Variants in PATZ1 observed in about 807,000 individuals in gnomAD.
PATZ1 encodes POZ-, AT hook-, and zinc finger-containing protein 1.
Under a neutral mutation model 46.2 loss-of-function variants are expected in PATZ1, and 9 were observed. That is an observed-to-expected ratio of 0.19 (90% confidence interval 0.12 to 0.34). The LOEUF is 0.34. Ranked by LOEUF, PATZ1 falls within the 10% of genes least tolerant of loss-of-function variation. The pLI is 1.00. For synonymous variants in PATZ1, 426 were observed against 378.6 expected, an observed-to-expected ratio of 1.13 and a Z score of -1.45; for missense variants, 632 against 923.0, an observed-to-expected ratio of 0.68 and a Z score of 4.08.
intron 2 of PATZ1, chr22:31,341,245 A>C (rs1014777045): frequency 2.9e-6 from 4 of 1,391,854 alleles, no homozygotes; most frequent in Non-Finnish European, 2.8e-6. Flanking sequence ...TGCTACCCCC[A>C]TTTGGGGGCT....
chr22:31,331,494 C>T (rs1334352899), intron 3 of PATZ1, among the ~76,000 whole-genome samples: 2 of 152,106 alleles, frequency 1.3e-5, no homozygotes, highest in Non-Finnish European at 2.9e-5. Context: ...CGCCCGCCAC[C>T]ATACCTGGCT....
At chr22:31,342,262 C>T (rs373388730) in intron 2 of PATZ1, among the ~76,000 whole-genome samples, 2 of 152,132 alleles carry the variant, frequency 1.3e-5, no homozygotes, top group African/African-American at 2.4e-5. Context: ...TCTGGTCCAG[C>T]GTTTCCTACC....
chr22:31,343,469 A>G, intron 1 of PATZ1: 1 of 985,788 alleles, frequency 1.0e-6, no homozygotes, highest in Non-Finnish European at 1.2e-6. Context: ...GGTAAGCCAG[A>G]TGCCCGCCTG....
Position 31,344,825 on chromosome 22 carries a change from G to T in PATZ1, c.778C>A (p.Pro260Thr), listed in dbSNP as rs747954119. The T allele has an allele frequency of 6.2e-7, 1 of 1,611,490 alleles. No homozygotes were observed. The highest frequency in any genetic ancestry group is 2.2e-5 in the East Asian group (1 of 44,858). The change falls in exon 1 of 5, where the codon CCC (proline) becomes ACC (threonine). Residue 260 changes from proline to threonine, a missense_variant. Around this residue, in one of 7 missense-constraint regions of PATZ1, gnomAD observed 279 missense variants for 284.3 expected, o/e 0.98. Coordinates refer to ENST00000266269, the MANE Select transcript of PATZ1 (RefSeq NM_014323.3). ...CCCCGGCCTCGCTTGCCAGTCAGGGGAGGGGCACTGGATGCCACACTGGGG... is the reference window on the plus strand; with the variant it reads ...CCCCGGCCTCGCTTGCCAGTCAGGGTAGGGGCACTGGATGCCACACTGGGG... ...PFPSVASSAP[P>T]LTGKRGRGRP...
intron 1 of PATZ1, 107 bp from the exon 2 acceptor site, chr22:31,343,067 G>T: frequency 6.5e-7 from 1 of 1,532,850 alleles, no homozygotes; most frequent in Non-Finnish European, 8.8e-7. Context: ...CTGCTGGAAA[G>T]GACTCCCTCT....
At chr22:31,331,409 G>A (rs1026446718) in intron 3 of PATZ1, among the ~76,000 whole-genome samples, 2 of 148,886 alleles carry the variant, frequency 1.3e-5, no homozygotes, top group Non-Finnish European at 3.0e-5. Flanking sequence ...GCACCATCTC[G>A]GCTCACTGCA....
intron 2 of PATZ1, chr22:31,341,151 G>A (rs923670522): frequency 6.7e-6 from 8 of 1,200,914 alleles, no homozygotes; most frequent in African/African-American, 1.6e-5. Flanking sequence ...GATGCCCAGG[G>A]GTGCCATCTG....
At chr22:31,342,593 C>T (rs567696960) in intron 2 of PATZ1, among the ~76,000 whole-genome samples, 2 of 152,234 alleles carry the variant, frequency 1.3e-5, no homozygotes, top group Non-Finnish European at 2.9e-5. Flanking sequence ...CTGTGTGATA[C>T]GGCCCACCAT....
At position 31,328,829 on chromosome 22, in the gene PATZ1, C is replaced by A. The variant is rs1211775089; in HGVS notation, c.1603G>T (p.Gly535Trp). ...CTGGCGCAGTGGAACGCTGCTCCCC[C>A]ATTCAGGATGGGCTCCTGGTGCCTG... ...VSRHQEPILN[G>W]GAAFHCARTY... Residue 535 changes from glycine to tryptophan, a missense_variant, in exon 4 of 5, where the codon GGG (glycine) becomes TGG (tryptophan). Around this residue, in one of 7 missense-constraint regions of PATZ1, gnomAD observed 176 missense variants for 249.4 expected, o/e 0.71. Coordinates refer to ENST00000266269, the MANE Select transcript of PATZ1 (RefSeq NM_014323.3). The surrounding 1 kb of genome is among the most constrained non-coding windows in gnomAD (Gnocchi z 4.8). 5 of 1,613,730 alleles carry A rather than the reference C, an allele frequency of 3.1e-6. No individual in the cohort carries two copies. Among genetic ancestry groups the A allele is most frequent in the Non-Finnish European group, 4.2e-6 (5 of 1,179,768 alleles).
chr22:31,342,293 A>G (rs1469093225), intron 2 of PATZ1, among the ~76,000 whole-genome samples: 2 of 152,112 alleles, frequency 1.3e-5, no homozygotes, highest in African/African-American at 4.8e-5. Flanking sequence ...CAAAGAGCTA[A>G]AAGAAGAAGA....
At position 31,345,177 on chromosome 22, in the gene PATZ1, G is replaced by A. The variant is rs775421556; in HGVS notation, c.426C>T (p.Phe142=). ...SFPELMTAAK[F]LLMRSVIEIC... ...TCTCGATAACCGACCTCATCAGCAG[G>A]AACTTGGCGGCCGTCATGAGTTCGG... Residue 142 remains phenylalanine (F), a synonymous_variant, in exon 1 of 5, where the codon TTC becomes TTT. Transcript: ENST00000266269. This position sits in a 1 kb window ranked among gnomAD's most constrained non-coding sequence, Gnocchi z 7.4. 13 of 1,614,058 alleles carry A rather than the reference G, an allele frequency of 8.1e-6. No individual in the cohort carries two copies. The highest frequency in any genetic ancestry group is 1.6e-4 in the Middle Eastern group (1 of 6,084).
intron 3 of PATZ1, among the ~76,000 whole-genome samples, chr22:31,331,321 C>G (rs2049439186): frequency 6.6e-6 from 1 of 151,292 alleles, no homozygotes; most frequent in Non-Finnish European, 1.5e-5. Context: ...TATGATGATA[C>G]CACTTTAGAA....
chr22:31,338,436 C>T (rs2049538958), intron 2 of PATZ1, among the ~76,000 whole-genome samples: 1 of 152,224 alleles, frequency 6.6e-6, no homozygotes, highest in African/African-American at 2.4e-5. Context: ...GAAATTCCAG[C>T]ATGTAGGAAG....
rs570245717 is a variant in PATZ1 at position 31,330,594 on chromosome 22, C to T, written c.1508-1670G>A. On this transcript the variant is annotated intron_variant, in intron 3 of 4. Coordinates refer to ENST00000266269, the MANE Select transcript of PATZ1 (RefSeq NM_014323.3). ...ACTCCAACCCCAGGATCATGTGCCA[C>T]CAGAACTTGGCCCTTAGCTACTGGG... Among the ~76,000 whole-genome samples the T allele has an allele frequency of 7.2e-5, 11 of 152,186 alleles. 1 individual carries two copies. Among genetic ancestry groups the T allele is most frequent in the Admixed American group, 2.6e-4 (4 of 15,284 alleles).
chr22:31,340,881 A>G (rs2049571597), intron 2 of PATZ1: 1 of 1,063,982 alleles, frequency 9.4e-7, no homozygotes, highest in South Asian at 4.6e-5. Flanking sequence ...AAAACACAAA[A>G]GTCTACTTCA....
chr22:31,342,851 C>G (rs372655698), intron 2 of PATZ1, 46 bp downstream of exon 2: 2 of 1,606,980 alleles, frequency 1.2e-6, no homozygotes, highest in African/African-American at 1.3e-5. Context: ...ACCGTGAGAA[C>G]AGCATCATCT....
chr22:31,344,986 A>G lies in PATZ1; in HGVS notation c.617T>C (p.Met206Thr). 5.6e-6 allele frequency: 9 copies of G among 1,614,012 alleles called. No individual in the cohort carries two copies. Among genetic ancestry groups the G allele is most frequent in the Non-Finnish European group, 7.6e-6 (9 of 1,180,036 alleles). Residue 206 changes from methionine to threonine, a missense_variant, in exon 1 of 5, where the codon ATG (methionine) becomes ACG (threonine). Around this residue, in one of 7 missense-constraint regions of PATZ1, gnomAD observed 279 missense variants for 284.3 expected, o/e 0.98. Transcript: ENST00000266269. ...CCGAGCTGCCTCCTCCTCTGGCTGC[A>G]TGCTGCCGGCGATGCCATTGCTGTT... ...AANSNGIAGS[M>T]QPEEEAARAA...
At chr22:31,334,246 T>G (rs2049481089) in intron 3 of PATZ1, among the ~76,000 whole-genome samples, 1 of 152,134 alleles carries the variant, frequency 6.6e-6, no homozygotes, top group Admixed American at 6.5e-5. Context: ...TAACTCTCCC[T>G]GCATGCGCAA....
intron 1 of PATZ1, chr22:31,343,529 G>A (rs1297642660): frequency 2.9e-6 from 2 of 698,582 alleles, no homozygotes; most frequent in African/African-American, 3.9e-5. Flanking sequence ...CCTGGTCGGG[G>A]CCCTCTGAGG....
Sources: gnomAD v4.1 joint callset for allele counts (sites outside exome capture counted in the v4.1 genomes callset) on GRCh38, gnomAD v4.1.1 for gene constraint, gnomAD v4.1.1 regional missense constraint, Gnocchi (gnomAD v3.1) non-coding constraint, MANE v1.5 for transcripts, NCBI Gene and HGNC (gene_info 2026-07-23, HGNC 2026-07-21) for gene names.